The following CSMD1 variants were observed in gnomAD, a reference collection of about 807,000 sequenced individuals.
The protein encoded by CSMD1 is CUB and Sushi multiple domains 1, also known as CUB and sushi domain-containing protein 1.
In CSMD1, 213 loss-of-function variants were observed where a neutral mutation model predicts 417.5. That is an observed-to-expected ratio of 0.51 (90% CI 0.46 to 0.57). CSMD1 has a LOEUF of 0.57. Ranked by LOEUF, CSMD1 falls within the 20% of genes least tolerant of loss-of-function variation. The pLI is 0.00. For missense variants in CSMD1, 6,923 were observed against 4,529.7 expected, an observed-to-expected ratio of 1.53 and a Z score of -15.17; for synonymous variants, 2,862 against 1,736.8, an observed-to-expected ratio of 1.65 and a Z score of -16.11.
chr8:4,818,057 G>T (rs1799306513), intron 1 of CSMD1, among the ~76,000 whole-genome samples: 1 of 152,128 alleles, frequency 6.6e-6, no homozygotes, highest in Non-Finnish European at 1.5e-5. Context: ...TATATGAATT[G>T]CAAGGTAACC....
intron 25 of CSMD1, among the ~76,000 whole-genome samples, chr8:3,295,007 G>A (rs75267072): frequency 6.6e-6 from 1 of 152,164 alleles, no homozygotes; most frequent in East Asian, 1.9e-4. Context: ...ATATGTGTGT[G>A]TATTTGTATT....
chr8:4,421,622 A>T (rs563373762), intron 2 of CSMD1, among the ~76,000 whole-genome samples: 240 of 152,242 alleles, frequency 1.6e-3, no homozygotes, highest in African/African-American at 5.4e-3. Flanking sequence ...GAAAATAAAA[A>T]TACAGATAAA....
At chr8:4,132,351 A>G (rs969899747) in intron 3 of CSMD1, among the ~76,000 whole-genome samples, 1 of 152,058 alleles carries the variant, frequency 6.6e-6, no homozygotes, top group Non-Finnish European at 1.5e-5. Flanking sequence ...CCTTTTCTGT[A>G]TTTCTTGTAG....
At chr8:4,896,922 C>A (rs1355621802) in intron 1 of CSMD1, among the ~76,000 whole-genome samples, 1 of 152,070 alleles carries the variant, frequency 6.6e-6, no homozygotes, top group Non-Finnish European at 1.5e-5. Context: ...TTCTTCCTAC[C>A]CGCCTGTCTC....
chr8:4,142,340 G>C (rs34474033), intron 3 of CSMD1, among the ~76,000 whole-genome samples: 45,317 of 150,752 alleles, frequency 0.3, 8,475 homozygotes, highest in Non-Finnish European at 0.39. Context: ...CCTACTCTAC[G>C]AGGTTATGAT....
intron 3 of CSMD1, among the ~76,000 whole-genome samples, chr8:4,167,324 G>A (rs924745677): frequency 2.6e-5 from 4 of 152,066 alleles, no homozygotes; most frequent in Non-Finnish European, 4.4e-5. Context: ...TAACTTAGAG[G>A]TATCTAAGTA....
At chr8:4,928,855 A>C (rs1276845701) in intron 1 of CSMD1, among the ~76,000 whole-genome samples, 1 of 152,122 alleles carries the variant, frequency 6.6e-6, no homozygotes, top group African/African-American at 2.4e-5. Context: ...GGATCACCTG[A>C]GGTTGGGAGT....
chr8:4,628,147 A>G (rs1347635320), intron 2 of CSMD1, among the ~76,000 whole-genome samples: 1 of 151,650 alleles, frequency 6.6e-6, no homozygotes, highest in African/African-American at 2.4e-5. Flanking sequence ...ATATGTACAC[A>G]GTATCAAATT....
intron 3 of CSMD1, among the ~76,000 whole-genome samples, chr8:4,401,672 C>G (rs1804653535): frequency 6.6e-6 from 1 of 152,136 alleles, no homozygotes; most frequent in Non-Finnish European, 1.5e-5. Context: ...ATTCTCATCC[C>G]AAATACCGGA....
At chr8:3,648,083 T>C (rs1336420975) in intron 7 of CSMD1, among the ~76,000 whole-genome samples, 1 of 152,246 alleles carries the variant, frequency 6.6e-6, no homozygotes, top group Non-Finnish European at 1.5e-5. Flanking sequence ...GATGGATGTG[T>C]TCTAGCTGCA....
chr8:3,848,170 T>G (rs868599105), intron 5 of CSMD1, among the ~76,000 whole-genome samples: 2 of 152,242 alleles, frequency 1.3e-5, no homozygotes, highest in South Asian at 2.1e-4. Context: ...GAAGTTGGCA[T>G]TTTTTACAGG....
intron 11 of CSMD1, among the ~76,000 whole-genome samples, chr8:3,484,324 C>T (rs1248476434): frequency 6.6e-6 from 1 of 152,148 alleles, no homozygotes; most frequent in East Asian, 1.9e-4. Flanking sequence ...AAAAGCAGTT[C>T]AATGGAGAAA....
intron 26 of CSMD1, among the ~76,000 whole-genome samples, chr8:3,238,202 G>A (rs1242208780): frequency 3.9e-5 from 6 of 152,068 alleles, no homozygotes; most frequent in Admixed American, 2.6e-4. Context: ...GGTGTCACAA[G>A]GTGCTCAGCA....
chr8:4,925,710 C>A (rs1025998008), intron 1 of CSMD1, among the ~76,000 whole-genome samples: 1 of 152,024 alleles, frequency 6.6e-6, no homozygotes, highest in Non-Finnish European at 1.5e-5. Flanking sequence ...CCACGCAGGG[C>A]TAATTTTTTT....
rs77423147 is a variant in CSMD1, at chr8:4,554,797, G to C, written c.302+82545C>G. On this transcript the variant is annotated intron_variant, in intron 2 of 69. Coordinates refer to ENST00000635120, the MANE Select transcript of CSMD1 (RefSeq NM_033225.6). ...GGAAACCCATGAGCCAGCAGCGTCC[G>C]TCCCTGTTGAGGCAGTCCAGTATTT... 1.9e-3 allele frequency among the ~76,000 whole-genome samples: 297 copies of C among 152,314 alleles called. 7 individuals are homozygous for C. The East Asian group carries it at 0.053, about 27-fold the overall frequency.
At chr8:3,952,629 G>T (rs896870170) in intron 5 of CSMD1, among the ~76,000 whole-genome samples, 3 of 152,130 alleles carry the variant, frequency 2.0e-5, no homozygotes, top group African/African-American at 4.8e-5. Flanking sequence ...TCCTTAATGG[G>T]TAGAGCTGTT....
At chr8:3,523,214 G>A (rs553286214) in intron 10 of CSMD1, among the ~76,000 whole-genome samples, 7 of 152,020 alleles carry the variant, frequency 4.6e-5, no homozygotes, top group African/African-American at 1.2e-4. Context: ...TAATTATCCC[G>A]CATGCTATGG....
intron 6 of CSMD1, among the ~76,000 whole-genome samples, chr8:3,744,410 G>T (rs1272023644): frequency 1.3e-5 from 2 of 152,104 alleles, no homozygotes; most frequent in Non-Finnish European, 2.9e-5. Context: ...ATTACATGAG[G>T]TTTTATTCCA....
intron 4 of CSMD1, among the ~76,000 whole-genome samples, chr8:4,007,399 G>A (rs776761277): frequency 6.6e-6 from 1 of 152,142 alleles, no homozygotes; most frequent in Non-Finnish European, 1.5e-5. Context: ...GGGCACCTAT[G>A]TTCCTGCCCT....
Sources: allele counts gnomAD v4.1 joint callset (sites outside exome capture counted in the v4.1 genomes callset), GRCh38; gene constraint gnomAD v4.1.1; transcripts MANE v1.5; gene names NCBI Gene and HGNC (gene_info 2026-07-23, HGNC 2026-07-21).